Variants in ERG observed in about 807,000 individuals in gnomAD.
ERG encodes the protein ETS transcription factor ERG, also known as transcriptional regulator ERG.
A neutral mutation model predicts 55.3 loss-of-function variants in ERG; 9 were observed. The observed-to-expected ratio is 0.16, with a 90% CI of 0.10 to 0.28. ERG has a LOEUF of 0.28. ERG is among the 10% of genes least tolerant of loss of function. The pLI is 1.00. For missense variants in ERG, 434 were observed against 631.6 expected (o/e 0.69, Z 3.35); for synonymous variants, 223 against 237.3 (o/e 0.94, Z 0.55).
rs529671533 is a variant in ERG at position 38,431,756 on chromosome 21, G to A, written c.237-8195C>T. On this transcript the variant is annotated intron_variant, in intron 2 of 9. Coordinates refer to ENST00000288319, the MANE Select transcript of ERG (RefSeq NM_182918.4). ...GGGTTAAGCTTTGAGAGTTTTTCTC[G>A]GGGCTTCTCATGAAGAAAACTGGAT... 2.2e-4 allele frequency among the ~76,000 whole-genome samples: 34 copies of A among 152,246 alleles called. No homozygotes were observed. The South Asian group carries it at 6.4e-3, about 29-fold the overall frequency.
intron 1 of ERG, among the ~76,000 whole-genome samples, chr21:38,626,172 T>C (rs1398468952): frequency 6.6e-6 from 1 of 152,188 alleles, no homozygotes; most frequent in Non-Finnish European, 1.5e-5. Context: ...TCCAGTCACC[T>C]TGGTCTCCCA....
At chr21:38,379,046 C>T (rs1192274446), downstream of ERG, among the ~76,000 whole-genome samples, 4 of 152,162 alleles carry the variant, frequency 2.6e-5, no homozygotes, top group Admixed American at 6.5e-5. Flanking sequence ...ATCTCCAAAA[C>T]GCTGAAGTCT....
rs896858373 is a variant in ERG, at chr21:38,380,079, C to A, written c.*3324G>T. 55 of 1,019,200 alleles carry A rather than the reference C, an allele frequency of 5.4e-5. No homozygotes were observed. In the African/African-American group the frequency reaches 9.1e-4, roughly 17 times the overall value. The allele number at this position is 1,019,200 out of a possible 1,614,324, so 63.1% of individuals were successfully genotyped here. A position where few individuals can be genotyped will look rare whatever the true frequency, so the allele number is the denominator to read the frequency against. ...TAATTTTTATTCTCTAATTAGTCAC[C>A]TCACGACTTTATTTGAATGAATTAA... On this transcript the variant is annotated 3_prime_UTR_variant, in exon 10 of 10. Transcript: ENST00000288319.
At chr21:38,413,540 C>T (rs1350444061) in intron 3 of ERG, among the ~76,000 whole-genome samples, 1 of 151,906 alleles carries the variant, frequency 6.6e-6, no homozygotes. Context: ...AGTGCCTGTC[C>T]TCTACTTGTT....
intron 1 of ERG, chr21:38,450,847 C>T (rs1448137301): frequency 1.6e-5 from 7 of 447,672 alleles, no homozygotes; most frequent in Non-Finnish European, 2.7e-5. Flanking sequence ...TGACATCTTA[C>T]ATTTTATGAA....
chr21:38,436,014 TTTTTTC>T (rs1346601547), intron 2 of ERG, among the ~76,000 whole-genome samples: 2 of 100,790 alleles, frequency 2.0e-5, no homozygotes, highest in African/African-American at 8.1e-5. Flanking sequence ...TTTACTTTCT[TTTTTTC>T]TTTTTTTTTT....
intron 1 of ERG, among the ~76,000 whole-genome samples, chr21:38,495,518 T>C (rs2059372188): frequency 6.6e-6 from 1 of 152,222 alleles, no homozygotes; most frequent in South Asian, 2.1e-4. Flanking sequence ...GTCAGATCTC[T>C]GTGATGATGG....
At chr21:38,620,010 G>A (rs1159737241) in intron 1 of ERG, among the ~76,000 whole-genome samples, 1 of 152,248 alleles carries the variant, frequency 6.6e-6, no homozygotes, top group African/African-American at 2.4e-5. Flanking sequence ...GAATGGGAAA[G>A]TATGCAGTGA....
At chr21:38,494,307 G>C (rs2059362707) in intron 1 of ERG, among the ~76,000 whole-genome samples, 1 of 152,206 alleles carries the variant, frequency 6.6e-6, no homozygotes, top group Non-Finnish European at 1.5e-5. Context: ...CCAAACGCTG[G>C]AACAGCCTGG....
intron 1 of ERG, among the ~76,000 whole-genome samples, chr21:38,630,194 T>C (rs1405197181): frequency 6.6e-6 from 1 of 152,200 alleles, no homozygotes; most frequent in African/African-American, 2.4e-5. Context: ...GTGATGCTTG[T>C]ACAATATTGC....
chr21:38,404,965 C>T (rs1364616534), intron 3 of ERG, among the ~76,000 whole-genome samples: 1 of 152,114 alleles, frequency 6.6e-6, no homozygotes, highest in African/African-American at 2.4e-5. Context: ...AGTCATACAC[C>T]CAGAGTTCTC....
intron 6 of ERG, chr21:38,400,140 G>T: frequency 2.6e-6 from 1 of 380,162 alleles, no homozygotes; most frequent in Non-Finnish European, 5.0e-6. Context: ...GTAAGATTCA[G>T]ATGTAAATAC....
At chr21:38,466,786 G>A (rs2059094985) in intron 1 of ERG, among the ~76,000 whole-genome samples, 1 of 152,166 alleles carries the variant, frequency 6.6e-6, no homozygotes, top group Non-Finnish European at 1.5e-5. Flanking sequence ...ACTTACAACA[G>A]GGTGGGAGCC....
At chr21:38,496,858 A>G (rs946914197) in intron 1 of ERG, among the ~76,000 whole-genome samples, 5 of 152,180 alleles carry the variant, frequency 3.3e-5, no homozygotes, top group East Asian at 1.9e-4. Context: ...TTTTTTGGGA[A>G]AAAAAACCAC....
chr21:38,485,385 TA>T (rs1446291957), intron 1 of ERG, among the ~76,000 whole-genome samples: 6 of 151,284 alleles, frequency 4.0e-5, no homozygotes, highest in Non-Finnish European at 7.4e-5. Context: ...AATTAATAAG[TA>T]AAAAAAGTTA....
At chr21:38,509,986 T>C (rs746333618) in intron 2 of ERG, among the ~76,000 whole-genome samples, 10 of 152,166 alleles carry the variant, frequency 6.6e-5, no homozygotes, top group Non-Finnish European at 1.0e-4. Context: ...TCTGGAAGGC[T>C]GCAATGGTGG....
chr21:38,565,789 A>G (rs1263133737), intron 2 of ERG, among the ~76,000 whole-genome samples: 1 of 152,220 alleles, frequency 6.6e-6, no homozygotes, highest in Non-Finnish European at 1.5e-5. Flanking sequence ...CCTGATTTGT[A>G]ACTATTCCCT....
intron 1 of ERG, among the ~76,000 whole-genome samples, chr21:38,463,213 G>A (rs958902436): frequency 6.6e-6 from 1 of 152,196 alleles, no homozygotes; most frequent in Non-Finnish European, 1.5e-5. Context: ...GCTTGCTGGG[G>A]TCTGTGCTTG....
chr21:38,437,169 GT>G (rs966798485), intron 2 of ERG, among the ~76,000 whole-genome samples: 4 of 152,252 alleles, frequency 2.6e-5, no homozygotes, highest in Non-Finnish European at 5.9e-5. Flanking sequence ...GATTACAAGT[GT>G]GAGCCACCTG....
Sources: gnomAD v4.1 joint callset for allele counts (sites outside exome capture counted in the v4.1 genomes callset) on GRCh38, gnomAD v4.1.1 for gene constraint, MANE v1.5 for transcripts, NCBI Gene and HGNC (gene_info 2026-07-23, HGNC 2026-07-21) for gene names.